CA10: variants seen among roughly 807,000 people sequenced by gnomAD.
CA10 encodes the protein carbonic anhydrase 10 (inactive), also known as carbonic anhydrase-related protein 10.
A neutral mutation model predicts 44.2 loss-of-function variants in CA10; 14 were observed. That is an observed-to-expected ratio of 0.32 (90% CI 0.21 to 0.50). The LOEUF (loss-of-function observed/expected upper bound fraction) is 0.50, where lower values mean the gene tolerates loss of function less well. CA10 is among the 20% of genes least tolerant of loss of function. The pLI, the probability that CA10 is intolerant of heterozygous loss-of-function variation, is 0.99. For synonymous variants in CA10, 159 were observed against 141.6 expected (o/e 1.12, Z -0.87); for missense variants, 350 against 409.7 (o/e 0.85, Z 1.26).
At chr17:52,082,110 C>G (rs955902224) in intron 1 of CA10, among the ~76,000 whole-genome samples, 1 of 152,294 alleles carries the variant, frequency 6.6e-6, no homozygotes, top group African/African-American at 2.4e-5. Flanking sequence ...CATAATGCAA[C>G]ACATATCGTA....
At chr17:51,844,017 G>T (rs1383469682) in intron 3 of CA10, among the ~76,000 whole-genome samples, 1 of 152,110 alleles carries the variant, frequency 6.6e-6, no homozygotes, top group Non-Finnish European at 1.5e-5. Flanking sequence ...AAAATGCTCT[G>T]TAAATTGATT....
chr17:52,036,889 T>C (rs904524012), intron 2 of CA10, among the ~76,000 whole-genome samples: 5 of 152,164 alleles, frequency 3.3e-5, no homozygotes, highest in African/African-American at 7.2e-5. Flanking sequence ...CAGTCATTAA[T>C]GAACTAAAGT....
intron 4 of CA10, among the ~76,000 whole-genome samples, chr17:51,729,290 C>T (rs966213900): frequency 4.6e-5 from 7 of 152,176 alleles, no homozygotes; most frequent in African/African-American, 1.7e-4. Context: ...ATCTCCCTCA[C>T]TTCTCTAAGG....
intron 4 of CA10, among the ~76,000 whole-genome samples, chr17:51,723,131 G>T (rs914194974): frequency 6.6e-6 from 1 of 152,164 alleles, no homozygotes; most frequent in Non-Finnish European, 1.5e-5. Context: ...TGCTTCCCAT[G>T]TGTGGGACTG....
At chr17:51,967,930 A>G (rs1598144925) in intron 2 of CA10, among the ~76,000 whole-genome samples, 1 of 151,856 alleles carries the variant, frequency 6.6e-6, no homozygotes, top group East Asian at 1.9e-4. Flanking sequence ...GGGTATGATG[A>G]GATATCATTC....
At chr17:51,649,972 T>TCCAG (rs1281748079) in intron 5 of CA10, among the ~76,000 whole-genome samples, 1 of 119,472 alleles carries the variant, frequency 8.4e-6, no homozygotes, top group African/African-American at 2.9e-5. Flanking sequence ...CATCCATCCA[T>TCCAG]CCAGCCAGCC....
At chr17:51,944,789 T>C (rs1366129583) in intron 2 of CA10, among the ~76,000 whole-genome samples, 2 of 152,170 alleles carry the variant, frequency 1.3e-5, no homozygotes, top group Non-Finnish European at 2.9e-5. Flanking sequence ...GAGGAGGTAG[T>C]ACTTTCAGAG....
At chr17:51,816,151 A>G (rs1283685815) in intron 3 of CA10, among the ~76,000 whole-genome samples, 4 of 152,190 alleles carry the variant, frequency 2.6e-5, no homozygotes, top group African/African-American at 9.7e-5. Flanking sequence ...AGATCACACA[A>G]ATAAGTGAGG....
chr17:51,879,715 A>G (rs1445524387), intron 3 of CA10, among the ~76,000 whole-genome samples: 2 of 152,196 alleles, frequency 1.3e-5, no homozygotes, highest in African/African-American at 4.8e-5. Context: ...CATTGCTCCC[A>G]ACAGAATCCT....
At chr17:52,134,749 CTG>C in intron 1 of CA10, 1 of 420,550 alleles carries the variant, frequency 2.4e-6, no homozygotes, top group Admixed American at 2.3e-5. Flanking sequence ...TTGCAATTCT[CTG>C]TGTGACTCAA....
chr17:51,831,735 A>AGC (rs1908285122), intron 3 of CA10, among the ~76,000 whole-genome samples: 1 of 91,450 alleles, frequency 1.1e-5, no homozygotes, highest in South Asian at 5.1e-4. Flanking sequence ...AGCAGCAGAA[A>AGC]AAGACCTTCC....
intron 3 of CA10, among the ~76,000 whole-genome samples, chr17:51,766,646 T>G (rs1167549768): frequency 6.6e-6 from 1 of 152,200 alleles, no homozygotes; most frequent in Non-Finnish European, 1.5e-5. Context: ...TATTTTTGCT[T>G]ATTTTTATTT....
Position 52,062,240 on chromosome 17 carries a change from G to A in CA10, c.136+10079C>T, listed in dbSNP as rs1341353991. On this transcript the variant is annotated intron_variant, in intron 2 of 8. Coordinates refer to ENST00000451037, the MANE Select transcript of CA10 (RefSeq NM_020178.5). ...CCACCACCATCCCTGGCTAAGGTGT[G>A]GCTACTTTTAACAGCTTACAGTAAG... is the stretch of plus-strand genomic sequence containing the variant. Among the ~76,000 whole-genome samples the A allele has an allele frequency of 2.0e-5, 3 of 151,828 alleles. No homozygotes were observed. The East Asian group carries it at 5.8e-4, about 29-fold the overall frequency.
chr17:51,803,322 T>C (rs1289253786), intron 3 of CA10, among the ~76,000 whole-genome samples: 4 of 152,142 alleles, frequency 2.6e-5, no homozygotes, highest in African/African-American at 4.8e-5. Context: ...CCTGAGCCTT[T>C]ACTGTCCCAA....
chr17:52,112,910 T>C (rs1988816368), intron 1 of CA10, among the ~76,000 whole-genome samples: 1 of 152,178 alleles, frequency 6.6e-6, no homozygotes, highest in Admixed American at 6.5e-5. Context: ...AGTTATTCTA[T>C]AGCAGCTGCG....
At chr17:52,142,294 G>A (rs1989497501) in intron 1 of CA10, among the ~76,000 whole-genome samples, 1 of 152,136 alleles carries the variant, frequency 6.6e-6, no homozygotes, top group South Asian at 2.1e-4. Flanking sequence ...AGGTTTCTGA[G>A]CTTGTAGTAC....
At chr17:52,010,397 T>G (rs547383368) in intron 2 of CA10, among the ~76,000 whole-genome samples, 1 of 152,080 alleles carries the variant, frequency 6.6e-6, no homozygotes, top group East Asian at 2.0e-4. Context: ...GCTGTGTGTG[T>G]GTATGTGTAT....
At chr17:51,923,172 A>C (rs571703744) in intron 3 of CA10, among the ~76,000 whole-genome samples, 6 of 152,318 alleles carry the variant, frequency 3.9e-5, no homozygotes, top group African/African-American at 9.6e-5. Flanking sequence ...AAGGATACTT[A>C]TCCAGGAAAA....
At chr17:52,149,552 T>A (rs963113705) in intron 1 of CA10, among the ~76,000 whole-genome samples, 3 of 152,166 alleles carry the variant, frequency 2.0e-5, no homozygotes, top group African/African-American at 7.2e-5. Flanking sequence ...CCCTGACTGC[T>A]GGAAATCCTT....
Sources: gnomAD v4.1 joint callset for allele counts (sites outside exome capture counted in the v4.1 genomes callset) on GRCh38, gnomAD v4.1.1 for gene constraint, MANE v1.5 for transcripts, NCBI Gene and HGNC (gene_info 2026-07-23, HGNC 2026-07-21) for gene names.